The following GXYLT2 variants were observed in gnomAD, a reference collection of about 807,000 sequenced individuals.
GXYLT2 encodes glucoside xylosyltransferase 2.
A neutral mutation model predicts 45.8 loss-of-function variants in GXYLT2; 53 were observed. That is an observed-to-expected ratio of 1.16 (90% CI 0.93 to 1.46). The LOEUF (loss-of-function observed/expected upper bound fraction) is 1.46. Among genes scored for constraint, GXYLT2 ranks in the 40% most tolerant of loss-of-function variants. GXYLT2 has a pLI of 0.00. For synonymous variants in GXYLT2, 219 were observed against 214.2 expected (o/e 1.02, Z -0.19); for missense variants, 551 against 544.4 (o/e 1.01, Z -0.12).
chr3:72,920,913 C>T (rs1412205443), intron 2 of GXYLT2, among the ~76,000 whole-genome samples: 2 of 151,542 alleles, frequency 1.3e-5, no homozygotes, highest in Non-Finnish European at 2.9e-5. Flanking sequence ...CTCTGCCTCC[C>T]GGATTCAAGT....
intron 3 of GXYLT2, among the ~76,000 whole-genome samples, chr3:72,953,226 T>C (rs1207465004): frequency 6.6e-6 from 1 of 152,114 alleles, no homozygotes; most frequent in East Asian, 1.9e-4. Context: ...TATATGAAAT[T>C]CAAACTTCCG....
intron 2 of GXYLT2, among the ~76,000 whole-genome samples, chr3:72,911,991 G>GTA (rs1285660987): frequency 1.1e-4 from 15 of 131,804 alleles, no homozygotes; most frequent in Middle Eastern, 7.8e-3. Flanking sequence ...GTGTGTGTGT[G>GTA]TGTATATATA....
intron 5 of GXYLT2, among the ~76,000 whole-genome samples, chr3:72,965,059 A>G (rs939035559): frequency 6.6e-6 from 1 of 152,214 alleles, no homozygotes; most frequent in Admixed American, 6.5e-5. Context: ...GGGTGACTTG[A>G]GGATGGCCAC....
chr3:72,944,949 A>G (rs1465670105), intron 3 of GXYLT2, among the ~76,000 whole-genome samples: 3 of 152,058 alleles, frequency 2.0e-5, no homozygotes, highest in Non-Finnish European at 1.5e-5. Context: ...CGTGATTGGC[A>G]ATGCAGTGGT....
At chr3:72,974,002 T>C (rs9854358) in intron 6 of GXYLT2, among the ~76,000 whole-genome samples, 102,983 of 151,976 alleles carry the variant, frequency 0.68, 35,175 homozygotes, top group Admixed American at 0.76. Flanking sequence ...TAACATTTGT[T>C]CTAGGAAACC....
At chr3:72,957,481 A>T (rs1462812428) in intron 5 of GXYLT2, 129 bp downstream of exon 5, 1 of 948,654 alleles carries the variant, frequency 1.1e-6, no homozygotes, top group Non-Finnish European at 1.5e-6. Context: ...TTCCCCAGCG[A>T]AGTTTGCCCT....
At chr3:72,904,961 A>G (rs1257671022) in intron 1 of GXYLT2, among the ~76,000 whole-genome samples, 6 of 145,312 alleles carry the variant, frequency 4.1e-5, no homozygotes, top group African/African-American at 1.3e-4. Context: ...AGGCATGAGA[A>G]TTGCTTGAGC....
At chr3:72,914,576 T>C (rs1236087343) in intron 2 of GXYLT2, among the ~76,000 whole-genome samples, 1 of 152,058 alleles carries the variant, frequency 6.6e-6, no homozygotes, top group African/African-American at 2.4e-5. Context: ...CGCATGTATA[T>C]GCGCGTATGT....
intron 2 of GXYLT2, among the ~76,000 whole-genome samples, chr3:72,918,170 G>A (rs1709772572): frequency 6.6e-6 from 1 of 152,168 alleles, no homozygotes; most frequent in African/African-American, 2.4e-5. Context: ...ACTGAGATTT[G>A]AATTTCATAT....
intron 3 of GXYLT2, among the ~76,000 whole-genome samples, chr3:72,928,484 G>A (rs920463101): frequency 3.3e-5 from 5 of 152,158 alleles, no homozygotes; most frequent in African/African-American, 1.2e-4. Context: ...GGGAGGCACA[G>A]GCCATCAGCA....
In GXYLT2 at chr3:72,888,214, C is replaced by G; in HGVS notation, c.-20C>G. The G allele has an allele frequency of 1.0e-6, 1 of 988,680 alleles. No homozygotes were observed. The allele number at this position is 988,680 out of a possible 1,614,324, so 61.2% of individuals were successfully genotyped here. ...AGGGGCCGAGCCGCCTGGGGGCCGC[C>G]GCCGCCGCCGCGCCGCACCATGAAG... On this transcript the variant is annotated 5_prime_UTR_variant, in exon 1 of 7. Coordinates refer to ENST00000389617, the MANE Select transcript of GXYLT2 (RefSeq NM_001080393.2).
At chr3:72,931,705 C>T (rs1710041102) in intron 3 of GXYLT2, among the ~76,000 whole-genome samples, 1 of 151,856 alleles carries the variant, frequency 6.6e-6, no homozygotes, top group Non-Finnish European at 1.5e-5. Flanking sequence ...AGTCAATAGC[C>T]TAACCTTCCA....
chr3:72,920,818 A>G (rs930228812), intron 2 of GXYLT2, among the ~76,000 whole-genome samples: 1 of 137,930 alleles, frequency 7.3e-6, no homozygotes, highest in Non-Finnish European at 1.6e-5. Flanking sequence ...ATATATATGT[A>G]TTTTTTTTTT....
At chr3:72,905,077 AAAAAAAAAAAAGGAAAG>A (rs1206111224) in intron 1 of GXYLT2, among the ~76,000 whole-genome samples, 2 of 148,450 alleles carry the variant, frequency 1.3e-5, no homozygotes, top group African/African-American at 5.1e-5. Flanking sequence ...AAAAAAAAAA[AAAAAAAAAAAAGGAAAG>A]AAAAGAAAAA....
At chr3:72,938,401 A>G (rs1468365677) in intron 3 of GXYLT2, among the ~76,000 whole-genome samples, 2 of 152,250 alleles carry the variant, frequency 1.3e-5, no homozygotes, top group South Asian at 2.1e-4. Context: ...AATGTTGGCT[A>G]TATTAGAGTC....
At chr3:72,943,512 GA>G (rs1286542211) in intron 3 of GXYLT2, among the ~76,000 whole-genome samples, 2 of 151,680 alleles carry the variant, frequency 1.3e-5, no homozygotes, top group Admixed American at 6.6e-5. Flanking sequence ...GAGTAGCTGG[GA>G]CCACAGGCAC....
intron 6 of GXYLT2, among the ~76,000 whole-genome samples, chr3:72,968,310 T>C (rs1332291666): frequency 3.3e-5 from 5 of 152,176 alleles, no homozygotes; most frequent in Non-Finnish European, 7.4e-5. Flanking sequence ...TCTGTGCCTT[T>C]TGCCATAGTG....
chr3:72,955,015 A>T, intron 3 of GXYLT2, 83 bp from the exon 4 acceptor site: 2 of 1,426,110 alleles, frequency 1.4e-6, no homozygotes, highest in Non-Finnish European at 1.9e-6. Context: ...TTTACCTATC[A>T]GGCTACTTCC....
At position 72,933,736 on chromosome 3, in the gene GXYLT2, C is replaced by T. The variant is rs1710121446; in HGVS notation, c.600+11401C>T. On this transcript the variant is annotated intron_variant, in intron 3 of 6. Transcript: ENST00000389617. ...CCAGCCTGAGCAACAAAGTGACACC[C>T]TGTCTCTACAAAGAATTAACCGGGT... is the stretch of plus-strand genomic sequence containing the variant. Among the ~76,000 whole-genome samples the T allele has an allele frequency of 2.6e-5, 4 of 152,112 alleles. No individual in the cohort carries two copies. In the South Asian group the frequency reaches 8.3e-4, roughly 32 times the overall value.
Sources: allele counts gnomAD v4.1 joint callset (sites outside exome capture counted in the v4.1 genomes callset), GRCh38; gene constraint gnomAD v4.1.1; transcripts MANE v1.5; gene names NCBI Gene and HGNC (gene_info 2026-07-23, HGNC 2026-07-21).